Variants in PHTF2 observed in about 807,000 individuals in gnomAD.
The protein encoded by PHTF2 is protein PHTF2.
In PHTF2, 60 loss-of-function variants were observed where a neutral mutation model predicts 101.2. The observed-to-expected ratio is 0.59, with a 90% confidence interval of 0.48 to 0.73. The LOEUF (loss-of-function observed/expected upper bound fraction) is 0.73, where lower values mean the gene tolerates loss of function less well. PHTF2 is among the 30% of genes least tolerant of loss of function. The pLI, the probability that PHTF2 is intolerant of heterozygous loss-of-function variation, is 0.00. For synonymous variants in PHTF2, 311 were observed against 307.3 expected (o/e 1.01, Z -0.13); for missense variants, 747 against 908.7 (o/e 0.82, Z 2.29).
At chr7:77,924,087 A>C in intron 11 of PHTF2, 1 of 964,610 alleles carries the variant, frequency 1.0e-6, no homozygotes, top group African/African-American at 1.8e-5. Flanking sequence ...AGCTGCATTC[A>C]GTTCTCAAAA....
intron 16 of PHTF2, among the ~76,000 whole-genome samples, chr7:77,944,004 A>G (rs1805846092): frequency 6.6e-6 from 1 of 152,192 alleles, no homozygotes; most frequent in Non-Finnish European, 1.5e-5. Context: ...TCTGTCTCCA[A>G]AAACAAACAA....
intron 13 of PHTF2, among the ~76,000 whole-genome samples, chr7:77,938,512 C>G (rs1805352883): frequency 6.6e-6 from 1 of 152,160 alleles, no homozygotes; most frequent in South Asian, 2.1e-4. Flanking sequence ...GGGCGGATCA[C>G]AAGGTCAGGA....
chr7:77,872,755 T>C (rs929395323), intron 3 of PHTF2, among the ~76,000 whole-genome samples: 4 of 152,170 alleles, frequency 2.6e-5, no homozygotes, highest in African/African-American at 9.7e-5. Flanking sequence ...TTCTGGACCC[T>C]TCTAGCTGGG....
intron 1 of PHTF2, among the ~76,000 whole-genome samples, chr7:77,823,342 T>TC (rs1794456282): frequency 1.3e-5 from 2 of 152,174 alleles, no homozygotes; most frequent in Non-Finnish European, 2.9e-5. Flanking sequence ...TGCCTCAGCC[T>TC]CCCGAGTAGT....
chr7:77,839,101 C>T (rs972443745), intron 1 of PHTF2, among the ~76,000 whole-genome samples: 1 of 152,102 alleles, frequency 6.6e-6, no homozygotes, highest in African/African-American at 2.4e-5. Flanking sequence ...CTAGTGGTAG[C>T]GTTTCTACAG....
Position 77,840,283 on chromosome 7 carries a change from G to C in PHTF2, c.28G>C (p.Val10Leu), listed in dbSNP as rs746375142. The C allele has an allele frequency of 2.7e-5, 44 of 1,608,742 alleles. No individual in the cohort carries two copies. In the Middle Eastern group the frequency reaches 4.9e-4, roughly 18 times the overall value. ...GGCGTCCAAAGTCACAGATGCTATA[G>C]TCTGGTATCAAAAGAAGGTAAGTTG... is the stretch of plus-strand genomic sequence containing the variant. The change falls in exon 2 of 20, where the codon GTC becomes CTC. Residue 10 changes from valine (V) to leucine (L), a missense_variant. This residue lies in a region of PHTF2 where 96 missense variants were observed against 91.3 expected (regional missense o/e 1.05). Transcript: ENST00000416283.
intron 3 of PHTF2, among the ~76,000 whole-genome samples, chr7:77,877,800 A>T (rs950259322): frequency 1.3e-5 from 2 of 152,188 alleles, no homozygotes; most frequent in African/African-American, 2.4e-5. Context: ...GGATTTCTGG[A>T]AACTTCTCTC....
intron 3 of PHTF2, among the ~76,000 whole-genome samples, chr7:77,885,691 T>C (rs941262130): frequency 2.6e-5 from 4 of 152,134 alleles, no homozygotes; most frequent in African/African-American, 9.7e-5. Context: ...GTGATCTGCC[T>C]GCCTCGGCCT....
At position 77,859,885 on chromosome 7, in the gene PHTF2, C is replaced by A. The variant is rs560565582; in HGVS notation, c.147+5051C>A. ...CCACCATGCCTGGTACCTAGCTCCT[C>A]TTATATGAAGTGTTAAGGAATACGT... On this transcript the variant is annotated intron_variant, in intron 3 of 19. Transcript: ENST00000416283. Among the ~76,000 whole-genome samples, 12 of 152,230 alleles carry A rather than the reference C, an allele frequency of 7.9e-5. No individual in the cohort carries two copies. In the South Asian group the frequency reaches 2.5e-3, roughly 32 times the overall value.
intron 5 of PHTF2, among the ~76,000 whole-genome samples, chr7:77,898,602 A>G (rs1359349139): frequency 2.0e-5 from 3 of 152,148 alleles, no homozygotes; most frequent in African/African-American, 4.8e-5. Flanking sequence ...TGGGGTAGCT[A>G]TGTTCTATAA....
At chr7:77,931,053 G>T (rs996268581) in intron 12 of PHTF2, among the ~76,000 whole-genome samples, 1 of 152,130 alleles carries the variant, frequency 6.6e-6, no homozygotes, top group African/African-American at 2.4e-5. Context: ...ACAATAAGTG[G>T]CATTACAAGT....
chr7:77,927,317 C>T (rs535884230), intron 11 of PHTF2, among the ~76,000 whole-genome samples: 17 of 151,796 alleles, frequency 1.1e-4, no homozygotes, highest in East Asian at 9.7e-4. Context: ...CACTTCAGGC[C>T]GGGCTTGGTG....
intron 2 of PHTF2, among the ~76,000 whole-genome samples, chr7:77,840,620 T>C (rs772731419): frequency 6.6e-6 from 1 of 152,148 alleles, no homozygotes. Flanking sequence ...GCAGAGCTGT[T>C]ACATAACTTA....
At position 77,809,224 on chromosome 7, in the gene PHTF2, G is replaced by GTTTTTTTTTTTTTTTTTTT. The variant is rs34141515; in HGVS notation, c.-36+10255_-36+10273dup. On this transcript the variant is annotated intron_variant, in intron 1 of 19. Coordinates refer to ENST00000416283, the Ensembl canonical transcript of PHTF2. ...TTTTCCTATATAAACCCAGTTCGTT[G>GTTTTTTTTTTTTTTTTTTT]TTTTTTTTTTTTTTTTTTTTGAGAT... 3.5e-4 allele frequency among the ~76,000 whole-genome samples: 34 copies of GTTTTTTTTTTTTTTTTTTT among 98,486 alleles called. 1 individual carries two copies. The highest frequency in any genetic ancestry group is 4.8e-4 in the Non-Finnish European group (25 of 51,704). The allele number at this position is 98,486 out of a possible 152,430, so 64.6% of individuals were successfully genotyped here.
At chr7:77,909,080 A>T (rs1802123645) in intron 8 of PHTF2, 122 bp downstream of exon 7, 1 of 555,718 alleles carries the variant, frequency 1.8e-6, no homozygotes, top group African/African-American at 1.9e-5. Flanking sequence ...TTTCAAAAAA[A>T]CACTGAGCTT....
intron 4 of PHTF2, 68 bp downstream of exon 3, chr7:77,893,732 T>A: frequency 5.7e-6 from 4 of 698,626 alleles, no homozygotes; most frequent in Middle Eastern, 3.5e-4. Context: ...ACATTTTCTG[T>A]AGTGTTTTTT....
At chr7:77,876,184 T>C (rs1263705983) in intron 3 of PHTF2, among the ~76,000 whole-genome samples, 2 of 152,132 alleles carry the variant, frequency 1.3e-5, no homozygotes, top group Admixed American at 6.5e-5. Flanking sequence ...GGTTCTTAGG[T>C]GGTTGAGAGA....
chr7:77,905,554 G>A (rs1054395050), intron 7 of PHTF2, among the ~76,000 whole-genome samples: 6 of 151,390 alleles, frequency 4.0e-5, no homozygotes, highest in Admixed American at 2.0e-4. Context: ...GCTGGAGTGC[G>A]GTGGTGCAGT....
chr7:77,951,598 T>G lies in PHTF2; in HGVS notation c.2116-19T>G. On this transcript the variant is annotated intron_variant, in intron 17 of 19. Coordinates refer to ENST00000416283, the Ensembl canonical transcript of PHTF2. ...TGTATTTATTATAATTTGAAGCATT[T>G]CTATTCTTTTTATAAAAGATAAACC... 3 of 1,015,248 alleles carry G rather than the reference T, an allele frequency of 3.0e-6. No individual in the cohort carries two copies. The highest frequency in any genetic ancestry group is 4.4e-6 in the Non-Finnish European group (3 of 686,044). The allele number at this position is 1,015,248 out of a possible 1,614,324, so 62.9% of individuals were successfully genotyped here.
Sources: allele counts gnomAD v4.1 joint callset (sites outside exome capture counted in the v4.1 genomes callset), GRCh38; gene constraint gnomAD v4.1.1; regional missense constraint gnomAD v4.1.1; transcripts MANE v1.5; gene names NCBI Gene and HGNC (gene_info 2026-07-23, HGNC 2026-07-21).